GPHN: variants seen among roughly 807,000 people sequenced by gnomAD.
The protein encoded by GPHN is gephyrin.
GPHN carries 17 observed loss-of-function variants against 95.5 expected under a neutral mutation model. That is an observed-to-expected ratio of 0.18 (90% confidence interval 0.12 to 0.27). The LOEUF (loss-of-function observed/expected upper bound fraction) is 0.27, where lower values mean the gene tolerates loss of function less well. Ranked by LOEUF, GPHN falls within the 10% of genes least tolerant of loss-of-function variation. GPHN has a pLI of 1.00. For missense variants in GPHN, 660 were observed against 978.1 expected, an observed-to-expected ratio of 0.67 and a Z score of 4.34; for synonymous variants, 320 against 322.5, an observed-to-expected ratio of 0.99 and a Z score of 0.08.
intron 17 of GPHN, chr14:67,142,958 C>T: frequency 3.4e-6 from 1 of 290,436 alleles, no homozygotes; most frequent in African/African-American, 2.2e-5. Context: ...CTAAAGAGTC[C>T]TATGTGATCT....
the GPHN span, among the ~76,000 whole-genome samples, chr14:67,305,927 A>G: frequency 1.3e-5 from 2 of 152,160 alleles, no homozygotes; most frequent in Admixed American, 1.3e-4. Flanking sequence ...AAAAGGAAGA[A>G]AGTGGGAGAA....
chr14:66,529,724 C>T (rs1470047593), intron 1 of GPHN, among the ~76,000 whole-genome samples: 4 of 149,960 alleles, frequency 2.7e-5, no homozygotes, highest in Non-Finnish European at 6.0e-5. Context: ...ACTCAGGCCT[C>T]TCTGCTGAAG....
At chr14:66,939,465 GA>G (rs993995298) in intron 8 of GPHN, among the ~76,000 whole-genome samples, 9 of 149,716 alleles carry the variant, frequency 6.0e-5, no homozygotes, top group African/African-American at 1.7e-4. Context: ...GGATGAAAAG[GA>G]AAAAAAAAGG....
intron 9 of GPHN, among the ~76,000 whole-genome samples, chr14:67,005,702 C>T (rs1055082180): frequency 3.3e-5 from 5 of 151,880 alleles, no homozygotes; most frequent in African/African-American, 9.7e-5. Flanking sequence ...TTGAAATCAC[C>T]TACACCCTTT....
At chr14:67,450,978 G>C in the GPHN span, among the ~76,000 whole-genome samples, 2 of 152,222 alleles carry the variant, frequency 1.3e-5, no homozygotes, top group African/African-American at 4.8e-5. Flanking sequence ...GGTCCCCCGT[G>C]CTGTGTGCAG....
At chr14:66,550,275 T>C (rs1038752723) in intron 1 of GPHN, among the ~76,000 whole-genome samples, 7 of 152,182 alleles carry the variant, frequency 4.6e-5, no homozygotes, top group African/African-American at 1.7e-4. Flanking sequence ...ATGTCAACAT[T>C]AACAGTAATT....
chr14:67,040,642 C>G (rs1028055534), intron 10 of GPHN, among the ~76,000 whole-genome samples: 4 of 152,142 alleles, frequency 2.6e-5, no homozygotes, highest in Admixed American at 2.0e-4. Flanking sequence ...AACAAGTCTT[C>G]AAGTTTGTCT....
the GPHN span, chr14:67,390,728 A>G: frequency 6.2e-7 from 1 of 1,613,096 alleles, no homozygotes; most frequent in African/African-American, 1.3e-5. Context: ...CGCACCTTCC[A>G]GTTTTTCCTC....
chr14:67,407,628 A>T, the GPHN span, among the ~76,000 whole-genome samples: 1 of 151,730 alleles, frequency 6.6e-6, no homozygotes, highest in African/African-American at 2.4e-5. Context: ...TTTTGTAGAG[A>T]TGAGTTCTCA....
chr14:67,037,145 A>G (rs1002514019), intron 10 of GPHN, among the ~76,000 whole-genome samples: 1 of 152,010 alleles, frequency 6.6e-6, no homozygotes, highest in Non-Finnish European at 1.5e-5. Context: ...ATATGGTCAA[A>G]TGATCTTTGA....
At chr14:66,886,181 A>G (rs1183655694) in intron 5 of GPHN, among the ~76,000 whole-genome samples, 3 of 152,208 alleles carry the variant, frequency 2.0e-5, no homozygotes, top group East Asian at 1.9e-4. Context: ...AAAATGACCT[A>G]TCAGTTTAAT....
At chr14:67,312,372 A>G in the GPHN span, among the ~76,000 whole-genome samples, 4 of 152,186 alleles carry the variant, frequency 2.6e-5, no homozygotes, top group Non-Finnish European at 5.9e-5. Flanking sequence ...GAGGCTAGAA[A>G]TTTGAGATTA....
chr14:67,669,436 C>CTTT, the GPHN span, among the ~76,000 whole-genome samples: 1 of 144,710 alleles, frequency 6.9e-6, no homozygotes. Context: ...CACTACTCAG[C>CTTT]TTTTTTTTTT....
At chr14:67,635,621 A>G in the GPHN span, among the ~76,000 whole-genome samples, 1 of 152,326 alleles carries the variant, frequency 6.6e-6, no homozygotes, top group East Asian at 1.9e-4. Context: ...TGGGAGGCCA[A>G]GGTGGGTGGA....
At chr14:66,794,263 A>G (rs1335151984) in intron 3 of GPHN, among the ~76,000 whole-genome samples, 1 of 152,030 alleles carries the variant, frequency 6.6e-6, no homozygotes, top group African/African-American at 2.4e-5. Context: ...AGTTCTTGAG[A>G]GATCTGGTCG....
the GPHN span, among the ~76,000 whole-genome samples, chr14:67,379,060 T>G: frequency 6.6e-6 from 1 of 152,238 alleles, no homozygotes; most frequent in Non-Finnish European, 1.5e-5. Flanking sequence ...TGATCCATAT[T>G]AATCTCTATA....
the GPHN span, among the ~76,000 whole-genome samples, chr14:67,308,036 C>T: frequency 2.9e-3 from 433 of 151,924 alleles, 4 homozygotes; most frequent in Middle Eastern, 0.017. Flanking sequence ...GATGAGAACA[C>T]GTGGACACAT....
At chr14:66,857,792 C>T (rs1043349702) in intron 4 of GPHN, among the ~76,000 whole-genome samples, 4 of 152,130 alleles carry the variant, frequency 2.6e-5, no homozygotes, top group African/African-American at 9.7e-5. Flanking sequence ...CAACACCACC[C>T]CTCCCCAGTC....
chr14:67,451,258 G>C, the GPHN span, among the ~76,000 whole-genome samples: 1 of 152,326 alleles, frequency 6.6e-6, no homozygotes, highest in East Asian at 1.9e-4. Context: ...GGGCATTGTG[G>C]AAGGGAAATG....
Sources: allele counts gnomAD v4.1 joint callset (sites outside exome capture counted in the v4.1 genomes callset), GRCh38; gene constraint gnomAD v4.1.1; transcripts MANE v1.5; gene names NCBI Gene and HGNC (gene_info 2026-07-23, HGNC 2026-07-21).